Variants in GPR89A observed in about 807,000 individuals in gnomAD.
GPR89A encodes G protein-coupled receptor 89A.
GPR89A carries 16 observed loss-of-function variants against 52.0 expected under a neutral mutation model. The observed-to-expected ratio is 0.31, with a 90% CI of 0.21 to 0.47. GPR89A has a LOEUF of 0.47. Ranked by LOEUF, GPR89A falls within the 20% of genes least tolerant of loss-of-function variation. The probability of loss-of-function intolerance (pLI) is 1.00; values close to 1 mark genes in which losing one functional copy is unlikely to be tolerated. For synonymous variants in GPR89A, 55 were observed against 150.9 expected (o/e 0.36, Z 4.66); for missense variants, 135 against 449.4 (o/e 0.30, Z 6.33).
chr1:145,665,592 A>C lies in GPR89A; in HGVS notation c.1036A>C (p.Ile346Leu). Residue 346 changes from isoleucine (I) to leucine (L), a missense_variant, in exon 12 of 14, where the codon ATT becomes CTT. By Grantham distance (5) the Ile-to-Leu change is conservative (BLOSUM62 2). Transcript: ENST00000313835. ...GTTTTGGTCCCAACACATTTCCTTCATTCTTGTTGGAATAATCATCGTCAC... is the reference window on the plus strand; with the variant it reads ...GTTTTGGTCCCAACACATTTCCTTCCTTCTTGTTGGAATAATCATCGTCAC... ...VKFWSQHISF[I>L]LVGIIIVTSI... 1.4e-6 allele frequency: 2 copies of C among 1,450,980 alleles called. No individual in the cohort carries two copies. The highest frequency in any genetic ancestry group is 1.7e-5 in the Admixed American group (1 of 59,494). 89.9% of individuals were successfully genotyped at this position (1,450,980 alleles called of 1,614,324 possible).
intron 3 of GPR89A, among the ~76,000 whole-genome samples, chr1:145,620,368 G>A (rs1183064676): frequency 1.3e-5 from 2 of 152,040 alleles, no homozygotes; most frequent in Non-Finnish European, 2.9e-5. Flanking sequence ...TAGTTTGCCA[G>A]CTACTCATCT....
intron 7 of GPR89A, among the ~76,000 whole-genome samples, chr1:145,635,853 G>A (rs1181877346): frequency 1.3e-5 from 2 of 152,186 alleles, no homozygotes; most frequent in African/African-American, 4.8e-5. Context: ...CAGCTACTTG[G>A]GAGGCTGAGG....
chr1:145,639,746 C>CAAA (rs71584625), intron 7 of GPR89A, among the ~76,000 whole-genome samples: 7 of 131,206 alleles, frequency 5.3e-5, no homozygotes, highest in African/African-American at 1.7e-4. Context: ...AACTCTGTCT[C>CAAA]AAAAAAAAAA....
At chr1:145,634,990 A>G (rs1165411590) in intron 7 of GPR89A, among the ~76,000 whole-genome samples, 2 of 152,188 alleles carry the variant, frequency 1.3e-5, no homozygotes, top group South Asian at 2.1e-4. Context: ...ATTATTACCC[A>G]TAAGTAAATG....
At chr1:145,656,767 C>T (rs2624719) in intron 10 of GPR89A, among the ~76,000 whole-genome samples, 37 of 151,832 alleles carry the variant, frequency 2.4e-4, no homozygotes, top group East Asian at 1.9e-3. Context: ...AGTCATCCTA[C>T]TGTTATTCCT....
intron 7 of GPR89A, among the ~76,000 whole-genome samples, chr1:145,643,216 C>T (rs587763316): frequency 1.5e-4 from 23 of 151,904 alleles, no homozygotes; most frequent in South Asian, 1.0e-3. Context: ...CCTGGGCTGG[C>T]GTGCAGTGGT....
At chr1:145,661,223 A>T (rs1299123053) in intron 10 of GPR89A, among the ~76,000 whole-genome samples, 1 of 123,502 alleles carries the variant, frequency 8.1e-6, no homozygotes, top group African/African-American at 3.0e-5. Flanking sequence ...ACCAAACACC[A>T]CATGTTCTCA....
At chr1:145,609,475 T>TA (rs1414456596) in intron 1 of GPR89A, among the ~76,000 whole-genome samples, 3 of 152,340 alleles carry the variant, frequency 2.0e-5, no homozygotes, top group South Asian at 4.1e-4. Flanking sequence ...TGTATTAATG[T>TA]AAAAAAACCT....
At position 145,635,278 on chromosome 1, in the gene GPR89A, C is replaced by T. The variant is rs1650149773; in HGVS notation, c.617+3534C>T. On this transcript the variant is annotated intron_variant, in intron 7 of 13. Transcript: ENST00000313835. ...AAAAGTAGCCGGGCGTGGTGGTGGGCGCCTGTAGTCCCAGCTACTCGGGAG... is the reference window on the plus strand; with the variant it reads ...AAAAGTAGCCGGGCGTGGTGGTGGGTGCCTGTAGTCCCAGCTACTCGGGAG... Among the ~76,000 whole-genome samples the T allele has an allele frequency of 2.6e-5, 4 of 152,170 alleles. 1 individual carries two copies. In the East Asian group the frequency reaches 5.8e-4, roughly 22 times the overall value.
chr1:145,649,775 A>G (rs1169619301), intron 10 of GPR89A, among the ~76,000 whole-genome samples: 4 of 150,310 alleles, frequency 2.7e-5, no homozygotes, highest in African/African-American at 9.8e-5. Flanking sequence ...TGCACTGTGT[A>G]TGAGTTTCAG....
intron 10 of GPR89A, among the ~76,000 whole-genome samples, chr1:145,652,356 G>C (rs587653824): frequency 3.9e-5 from 6 of 152,210 alleles, no homozygotes; most frequent in African/African-American, 9.6e-5. Context: ...TGACTTGATC[G>C]TGGTAGATGA....
intron 7 of GPR89A, among the ~76,000 whole-genome samples, chr1:145,634,611 G>T (rs1269358969): frequency 6.7e-6 from 1 of 150,360 alleles, no homozygotes; most frequent in Admixed American, 6.6e-5. Context: ...GACTGTGTAT[G>T]AATTTGAATC....
chr1:145,646,939 A>C (rs1288558805), intron 9 of GPR89A: 2 of 618,550 alleles, frequency 3.2e-6, no homozygotes, highest in East Asian at 6.9e-5. Flanking sequence ...AACGTATCTC[A>C]TAAGAATTGT....
chr1:145,623,330 G>A (rs1193255748), intron 4 of GPR89A, 170 bp downstream of exon 4: 8 of 551,256 alleles, frequency 1.5e-5, no homozygotes, highest in Non-Finnish European at 2.6e-5. Flanking sequence ...GAATGAATTG[G>A]CACAAAATAA....
intron 11 of GPR89A, among the ~76,000 whole-genome samples, chr1:145,665,004 A>G (rs1652461963): frequency 6.6e-6 from 1 of 150,812 alleles, no homozygotes; most frequent in South Asian, 2.1e-4. Flanking sequence ...GAATGTCTAT[A>G]TATTCTTTTA....
chr1:145,666,913 A>G (rs1479333920), intron 12 of GPR89A, among the ~76,000 whole-genome samples: 4 of 152,050 alleles, frequency 2.6e-5, no homozygotes, highest in South Asian at 2.1e-4. Context: ...ATAGTATTCC[A>G]TGGTGTATAT....
In GPR89A at chr1:145,608,356, G is replaced by A. The variant is rs1367620662; in HGVS notation, c.42+181G>A. On this transcript the variant is annotated intron_variant, in intron 1 of 13. Transcript: ENST00000313835. ...GCGGCCGGTTCCCTCAGCCCCGGCT[G>A]TCAGGAGACTGGCCTGCGGCCGTCC... The A allele has an allele frequency of 4.5e-6, 5 of 1,117,548 alleles. No homozygotes were observed. In the Admixed American group the frequency reaches 1.1e-4, roughly 24 times the overall value. The allele number at this position is 1,117,548 out of a possible 1,614,324, so 69.2% of individuals were successfully genotyped here.
intron 5 of GPR89A, among the ~76,000 whole-genome samples, chr1:145,626,807 A>G (rs1430765975): frequency 6.6e-6 from 1 of 151,804 alleles, no homozygotes; most frequent in East Asian, 1.9e-4. Flanking sequence ...AAAATTAGCC[A>G]GGCATGGTGG....
chr1:145,617,210 A>T (rs1351178896), intron 2 of GPR89A, among the ~76,000 whole-genome samples: 3 of 152,132 alleles, frequency 2.0e-5, no homozygotes, highest in African/African-American at 7.2e-5. Context: ...CCCCAGGGTT[A>T]TTCCTTGCTG....
Sources: gnomAD v4.1 joint callset for allele counts (sites outside exome capture counted in the v4.1 genomes callset) on GRCh38, gnomAD v4.1.1 for gene constraint, MANE v1.5 for transcripts, NCBI Gene and HGNC (gene_info 2026-07-23, HGNC 2026-07-21) for gene names.